RIOK2: variants seen among roughly 807,000 people sequenced by gnomAD.
RIOK2 encodes serine/threonine-protein kinase RIO2.
In RIOK2, 46 loss-of-function variants were observed where a neutral mutation model predicts 62.4. The ratio of observed to expected loss-of-function variants is 0.74; its 90% CI spans 0.58 to 0.94. The LOEUF (loss-of-function observed/expected upper bound fraction) is 0.94, where lower values mean the gene tolerates loss of function less well. RIOK2 is among the 40% of genes least tolerant of loss of function. The pLI is 0.00. For missense variants in RIOK2, 574 were observed against 658.0 expected (o/e 0.87, Z 1.40); for synonymous variants, 197 against 216.0 (o/e 0.91, Z 0.77).
At chr5:97,166,810 C>T in intron 8 of RIOK2, 1 of 985,476 alleles carries the variant, frequency 1.0e-6, no homozygotes, top group Middle Eastern at 5.2e-4. Flanking sequence ...AACTCAAACA[C>T]ACATCAGATG....
chr5:97,174,633 T>G (rs1457830442), intron 4 of RIOK2, among the ~76,000 whole-genome samples: 1 of 152,012 alleles, frequency 6.6e-6, no homozygotes. Flanking sequence ...CCCATACCAC[T>G]TCTCTGCCAA....
At chr5:97,168,630 A>G (rs1748910601) in intron 7 of RIOK2, 130 bp downstream of exon 7, 1 of 514,740 alleles carries the variant, frequency 1.9e-6, no homozygotes, top group Admixed American at 3.6e-5. Context: ...TGTACTACAG[A>G]GCAATGACAT....
intron 2 of RIOK2, 118 bp downstream of exon 2, chr5:97,178,937 C>T (rs954712000): frequency 5.3e-6 from 6 of 1,132,082 alleles, no homozygotes; most frequent in Non-Finnish European, 5.2e-6. Flanking sequence ...TGTGTTCTGT[C>T]AGTTCTTCGT....
chr5:97,171,322 AT>A lies in RIOK2; in HGVS notation c.662del (p.Asn221IlefsTer4). The A allele has an allele frequency of 6.2e-7, 1 of 1,610,144 alleles. No individual in the cohort carries two copies. Among genetic ancestry groups the A allele is most frequent in the Non-Finnish European group, 8.5e-7 (1 of 1,178,322 alleles). On this transcript the variant is annotated frameshift_variant, in exon 6 of 10. Transcript: ENST00000283109. LOFTEE classifies it high-confidence loss of function. ...EAMELIVKLANHGLIHGDFNE... is the reference protein window; with the variant it reads ...EAMELIVKLAXHGLIHGDFNE... ...TAAAATCTCCATGAATCAGCCCATGATTTGCAAGTTTGACAATTAGTTCCAT... is the reference window on the plus strand; with the variant it reads ...TAAAATCTCCATGAATCAGCCCATGATTGCAAGTTTGACAATTAGTTCCAT...
rs1316627263 is a variant in RIOK2, at chr5:97,163,102, T to C, written c.1618A>G (p.Ile540Val). ...TKQRRENMQN[I>V]KSSLEAASFW... ...CTGGCTGCTTCCAAACTTGATTTGA[T>C]ATTTTGCATGTTTTCCCTACGTTGC... The change falls in exon 10 of 10, where the codon ATC (isoleucine) becomes GTC (valine). Residue 540 changes from isoleucine to valine, a missense_variant. By Grantham distance (29) the Ile-to-Val change is conservative. Coordinates refer to ENST00000283109, the MANE Select transcript of RIOK2 (RefSeq NM_018343.3). 6.2e-7 allele frequency: 1 copy of C among 1,613,358 alleles called. No homozygotes were observed. Among genetic ancestry groups the C allele is most frequent in the South Asian group, 1.1e-5 (1 of 91,070 alleles).
intron 4 of RIOK2, 144 bp downstream of exon 4, chr5:97,176,972 T>G: frequency 1.5e-6 from 1 of 677,624 alleles, no homozygotes; most frequent in East Asian, 2.7e-5. Flanking sequence ...ATCAACAGAG[T>G]TATTTAAGAT....
chr5:97,181,981 A>G (rs907760725), intron 1 of RIOK2, among the ~76,000 whole-genome samples: 1 of 152,254 alleles, frequency 6.6e-6, no homozygotes, highest in African/African-American at 2.4e-5. Context: ...ATTTAAGATT[A>G]ATTTTAAAAA....
chr5:97,168,324 C>T (rs188928691), intron 7 of RIOK2, among the ~76,000 whole-genome samples: 15 of 152,234 alleles, frequency 9.9e-5, no homozygotes, highest in African/African-American at 3.6e-4. Context: ...CATCCCAGAT[C>T]AGAAAATATC....
At chr5:97,178,204 T>C (rs139873432) in intron 2 of RIOK2, among the ~76,000 whole-genome samples, 131 of 152,368 alleles carry the variant, frequency 8.6e-4, no homozygotes, top group African/African-American at 3.1e-3. Flanking sequence ...TAAGGATCTG[T>C]GATAGGTTGG....
intron 4 of RIOK2, among the ~76,000 whole-genome samples, chr5:97,174,762 G>A (rs1749115326): frequency 6.6e-6 from 1 of 151,892 alleles, no homozygotes; most frequent in African/African-American, 2.4e-5. Flanking sequence ...TCTAAATTCA[G>A]TATATAATTA....
chr5:97,177,765 C>A lies in RIOK2; in HGVS notation c.289G>T (p.Val97Phe), dbSNP rs1342783606. The change falls in exon 3 of 10, where the codon GTT (valine) becomes TTT (phenylalanine). Residue 97 changes from valine to phenylalanine, a missense_variant. By Grantham distance (50) the Val-to-Phe change is conservative. Coordinates refer to ENST00000283109, the MANE Select transcript of RIOK2 (RefSeq NM_018343.3). Reference protein sequence around the residue: ...TLSSRQVVESVGNQMGVGKES... With the variant: ...TLSSRQVVESFGNQMGVGKES... ...TTGCCAACACCCATCTGGTTTCCAA[C>A]AGACTCAACTACTTGCCTAGAAGAA... 1.2e-6 allele frequency: 2 copies of A among 1,612,426 alleles called. No individual in the cohort carries two copies. The highest frequency in any genetic ancestry group is 1.7e-6 in the Non-Finnish European group (2 of 1,178,792).
chr5:97,175,407 T>G lies in RIOK2; in HGVS notation c.498+1709A>C, dbSNP rs556261555. On this transcript the variant is annotated intron_variant, in intron 4 of 9. Coordinates refer to ENST00000283109, the MANE Select transcript of RIOK2 (RefSeq NM_018343.3). ...GCCTAGACCTCATGCTATAGCCCAA[T>G]CTTTATCTTCTTGTTCCTCTCTTAT... Among the ~76,000 whole-genome samples the G allele has an allele frequency of 3.9e-5, 6 of 152,354 alleles. No homozygotes were observed. The East Asian group carries it at 1.2e-3, about 29-fold the overall frequency.
chr5:97,181,119 A>G (rs1177879333), intron 1 of RIOK2, among the ~76,000 whole-genome samples: 2 of 151,976 alleles, frequency 1.3e-5, no homozygotes, highest in Admixed American at 1.3e-4. Context: ...TAAAAATACA[A>G]AAATTAGCTG....
rs1749390757 is a variant in RIOK2 at position 97,180,921 on chromosome 5, A to AG, written c.67-1729dup. Among the ~76,000 whole-genome samples, 3 of 152,012 alleles carry AG rather than the reference A, an allele frequency of 2.0e-5. No homozygotes were observed. The South Asian group carries it at 6.2e-4, about 32-fold the overall frequency. ...TTTTATAGAGCTTGGGAAAAGAGAA[A>AG]GGGGGTAGAAAAAAATTGAATTTGG... On this transcript the variant is annotated intron_variant, in intron 1 of 9. Coordinates refer to ENST00000283109, the MANE Select transcript of RIOK2 (RefSeq NM_018343.3).
At position 97,167,581 on chromosome 5, in the gene RIOK2, C is replaced by CTGTT. The variant is rs1336383900; in HGVS notation, c.1279_1282dup (p.Arg428LysfsTer17). ...TCCTTGAACTCTCTGACCATCTTGC[C>CTGTT]TGTTGTAATTTTCAGTTCTGTTTTT... On this transcript the variant is annotated frameshift_variant, in exon 8 of 10. Coordinates refer to ENST00000283109, the MANE Select transcript of RIOK2 (RefSeq NM_018343.3). LOFTEE classifies it high-confidence loss of function. The CTGTT allele has an allele frequency of 8.7e-6, 14 of 1,614,062 alleles. No individual in the cohort carries two copies. The highest frequency in any genetic ancestry group is 1.7e-5 in the Admixed American group (1 of 60,008).
At chr5:97,181,259 A>G (rs1316186446) in intron 1 of RIOK2, among the ~76,000 whole-genome samples, 1 of 146,468 alleles carries the variant, frequency 6.8e-6, no homozygotes, top group Non-Finnish European at 1.5e-5. Context: ...CAACAGAATA[A>G]GACTCCGTCT....
At chr5:97,182,054 A>C (rs1189070944) in intron 1 of RIOK2, among the ~76,000 whole-genome samples, 1 of 152,256 alleles carries the variant, frequency 6.6e-6, no homozygotes, top group African/African-American at 2.4e-5. Flanking sequence ...ATATCCTATT[A>C]CATAATTACA....
Position 97,162,878 on chromosome 5 carries a change from T to C in RIOK2, c.*183A>G, listed in dbSNP as rs994455412. The stretch of plus-strand genomic sequence containing the variant: ...GTTACCCAAATTACTTTGAAAAAAA[T>C]GGACTGCTTTGGCAGGTAATTATTC... On this transcript the variant is annotated 3_prime_UTR_variant, in exon 10 of 10. Coordinates refer to ENST00000283109, the MANE Select transcript of RIOK2 (RefSeq NM_018343.3). 16 of 505,692 alleles carry C rather than the reference T, an allele frequency of 3.2e-5. No homozygotes were observed. Among genetic ancestry groups the C allele is most frequent in the African/African-American group, 2.6e-4 (13 of 50,402 alleles). 31.3% of individuals were successfully genotyped at this position (505,692 alleles called of 1,614,324 possible). A position where few individuals can be genotyped will look rare whatever the true frequency, so the allele number is the denominator to read the frequency against.
rs772218831 is a variant in RIOK2 at position 97,167,859 on chromosome 5, T to A, written c.1005A>T (p.Ser335=). Residue 335 remains serine (S), a synonymous_variant, in exon 8 of 10, where the codon TCA becomes TCT. Coordinates refer to ENST00000283109, the MANE Select transcript of RIOK2 (RefSeq NM_018343.3). ...NIETKEGSEF[S]FSDGEVAEKA... is the part of the protein sequence containing the mutation. ...TTTCTGCCACTTCTCCATCTGAAAATGAGAATTCAGATCCCTCTTTTGTTT... is the reference window on the plus strand; with the variant it reads ...TTTCTGCCACTTCTCCATCTGAAAAAGAGAATTCAGATCCCTCTTTTGTTT... 2.5e-6 allele frequency: 4 copies of A among 1,614,056 alleles called. No homozygotes were observed. Among genetic ancestry groups the A allele is most frequent in the Non-Finnish European group, 3.4e-6 (4 of 1,180,022 alleles).
Sources: gnomAD v4.1 joint callset for allele counts (sites outside exome capture counted in the v4.1 genomes callset) on GRCh38, gnomAD v4.1.1 for gene constraint, MANE v1.5 for transcripts, NCBI Gene and HGNC (gene_info 2026-07-23, HGNC 2026-07-21) for gene names.